SP140L: variants seen among roughly 807,000 people sequenced by gnomAD.
The protein encoded by SP140L is SP140 like nuclear body protein, also known as nuclear body protein SP140-like protein.
SP140L carries 64 observed loss-of-function variants against 84.3 expected under a neutral mutation model. That is an observed-to-expected ratio of 0.76 (90% CI 0.62 to 0.94). The LOEUF (loss-of-function observed/expected upper bound fraction) is 0.94. Ranked by LOEUF, SP140L falls within the 40% of genes least tolerant of loss-of-function variation. The probability of loss-of-function intolerance (pLI) is 0.00; values close to 1 mark genes in which losing one functional copy is unlikely to be tolerated. For synonymous variants in SP140L, 242 were observed against 236.9 expected (o/e 1.02, Z -0.20); for missense variants, 628 against 692.5 (o/e 0.91, Z 1.05).
At chr2:230,391,650 A>T (rs2061810201) in intron 11 of SP140L, 1 of 163,466 alleles carries the variant, frequency 6.1e-6, no homozygotes, top group Admixed American at 5.7e-5. Flanking sequence ...TGGCCTCCTG[A>T]GCCACAGGGC....
intron 7 of SP140L, among the ~76,000 whole-genome samples, chr2:230,378,285 C>G (rs1053933334): frequency 3.9e-5 from 6 of 152,142 alleles, no homozygotes; most frequent in African/African-American, 1.4e-4. Context: ...TTGGCTATTT[C>G]AGACCCGTGC....
chr2:230,398,730 A>G (rs565706652), intron 14 of SP140L, among the ~76,000 whole-genome samples: 1 of 152,350 alleles, frequency 6.6e-6, no homozygotes, highest in African/African-American at 2.4e-5. Context: ...GCAAAATATA[A>G]AAGTAGAAGT....
chr2:230,386,544 G>T (rs983847699), intron 9 of SP140L, among the ~76,000 whole-genome samples: 13 of 152,134 alleles, frequency 8.5e-5, no homozygotes, highest in African/African-American at 3.1e-4. Flanking sequence ...TTTCAGTATT[G>T]TTAAATGGGT....
chr2:230,332,549 C>G (rs1296134156), intron 2 of SP140L, among the ~76,000 whole-genome samples: 1 of 152,202 alleles, frequency 6.6e-6, no homozygotes, highest in Admixed American at 6.5e-5. Flanking sequence ...GTTTGAGGTT[C>G]ATCAGTAATC....
intron 2 of SP140L, among the ~76,000 whole-genome samples, chr2:230,355,348 AC>A (rs1288690335): frequency 1.3e-5 from 2 of 152,174 alleles, no homozygotes; most frequent in African/African-American, 4.8e-5. Flanking sequence ...TTAAAGTAGC[AC>A]CAGAGAGAAT....
At chr2:230,393,540 C>A in intron 13 of SP140L, 79 bp downstream of exon 13, 1 of 1,424,904 alleles carries the variant, frequency 7.0e-7, no homozygotes. Flanking sequence ...TATGGAGTCT[C>A]CAATTGGGTA....
intron 9 of SP140L, among the ~76,000 whole-genome samples, chr2:230,386,287 G>A (rs2061577668): frequency 6.6e-6 from 1 of 152,100 alleles, no homozygotes. Flanking sequence ...AATTTTGCCA[G>A]TGAAACTCTC....
At position 230,385,213 on chromosome 2, in the gene SP140L, C is replaced by T. The variant is rs771917138; in HGVS notation, c.704-11C>T. The T allele has an allele frequency of 1.2e-6, 2 of 1,612,998 alleles. No homozygotes were observed. Among genetic ancestry groups the T allele is most frequent in the East Asian group, 2.2e-5 (1 of 44,850 alleles). ...AGTTCTATTAATACATTTTCCCTTG[C>T]CTATCCCCAGATAACAGCAAAGCCG... On this transcript the variant is annotated splice_polypyrimidine_tract_variant and intron_variant, in intron 8 of 18. Coordinates refer to ENST00000415673, the MANE Select transcript of SP140L (RefSeq NM_138402.6).
At chr2:230,359,720 C>G (rs1209858690) in intron 4 of SP140L, among the ~76,000 whole-genome samples, 1 of 152,168 alleles carries the variant, frequency 6.6e-6, no homozygotes, top group African/African-American at 2.4e-5. Context: ...TGGGTCATTT[C>G]TAAGCCCAGA....
intron 2 of SP140L, among the ~76,000 whole-genome samples, chr2:230,354,898 G>GAAAGAAAGA (rs1193328145): frequency 2.6e-5 from 2 of 77,646 alleles, no homozygotes; most frequent in South Asian, 4.3e-4. Context: ...AGAAAGAAAG[G>GAAAGAAAGA]AAAGAGAAAG....
chr2:230,360,064 A>C (rs1235253924), intron 4 of SP140L, among the ~76,000 whole-genome samples: 1 of 147,044 alleles, frequency 6.8e-6, no homozygotes, highest in South Asian at 2.2e-4. Context: ...GGTGCCCTCT[A>C]TTTTGTTTTA....
chr2:230,391,387 G>T (rs1164879289), intron 11 of SP140L, among the ~76,000 whole-genome samples: 2 of 152,162 alleles, frequency 1.3e-5, no homozygotes, highest in South Asian at 4.1e-4. Flanking sequence ...ACTTGTTATT[G>T]TTTGTCTTTT....
intron 18 of SP140L, among the ~76,000 whole-genome samples, chr2:230,402,538 G>A (rs2062398059): frequency 1.3e-5 from 2 of 152,214 alleles, no homozygotes; most frequent in African/African-American, 4.8e-5. Context: ...ATTGTTAAGA[G>A]AGTAAATATC....
At chr2:230,386,768 C>T (rs1440033024) in intron 9 of SP140L, among the ~76,000 whole-genome samples, 3 of 152,082 alleles carry the variant, frequency 2.0e-5, no homozygotes, top group Admixed American at 1.3e-4. Flanking sequence ...AAGCTAAATC[C>T]GACATACCCA....
At chr2:230,382,018 TGGG>T (rs974568966) in intron 7 of SP140L, among the ~76,000 whole-genome samples, 1 of 152,166 alleles carries the variant, frequency 6.6e-6, no homozygotes, top group African/African-American at 2.4e-5. Flanking sequence ...CTGTAAGCCT[TGGG>T]GTTCCCAGTT....
At chr2:230,390,358 T>C (rs1189716783) in intron 11 of SP140L, among the ~76,000 whole-genome samples, 1 of 152,168 alleles carries the variant, frequency 6.6e-6, no homozygotes, top group South Asian at 2.1e-4. Flanking sequence ...TCTCTCTCCC[T>C]TCTGGAGTGC....
chr2:230,399,910 C>T (rs748340910), intron 14 of SP140L: 62 of 423,096 alleles, frequency 1.5e-4, no homozygotes, highest in Admixed American at 2.2e-4. Context: ...ATAAGGAAAA[C>T]GTTTTTATTC....
chr2:230,351,977 C>A (rs554664310), intron 2 of SP140L, among the ~76,000 whole-genome samples: 1 of 152,268 alleles, frequency 6.6e-6, no homozygotes, highest in African/African-American at 2.4e-5. Context: ...TTTCTGGTTG[C>A]AAGCACACCA....
chr2:230,350,944 C>T (rs2060345791), intron 2 of SP140L, among the ~76,000 whole-genome samples: 1 of 152,056 alleles, frequency 6.6e-6, no homozygotes, highest in South Asian at 2.1e-4. Context: ...CAAGAAACAA[C>T]AAATAGGTGA....
Sources: gnomAD v4.1 joint callset for allele counts (sites outside exome capture counted in the v4.1 genomes callset) on GRCh38, gnomAD v4.1.1 for gene constraint, MANE v1.5 for transcripts, NCBI Gene and HGNC (gene_info 2026-07-23, HGNC 2026-07-21) for gene names.